The following GRIP1 variants were observed in gnomAD, a reference collection of about 807,000 sequenced individuals.
GRIP1 encodes glutamate receptor-interacting protein 1.
A neutral mutation model predicts 129.9 loss-of-function variants in GRIP1; 45 were observed. That is an observed-to-expected ratio of 0.35 (90% CI 0.27 to 0.44). The LOEUF is 0.44. Ranked by LOEUF, GRIP1 falls within the 20% of genes least tolerant of loss-of-function variation. The pLI, the probability that GRIP1 is intolerant of heterozygous loss-of-function variation, is 1.00. For missense variants in GRIP1, 1,196 were observed against 1,396.8 expected, an observed-to-expected ratio of 0.86 and a Z score of 2.29; for synonymous variants, 530 against 520.8, an observed-to-expected ratio of 1.02 and a Z score of -0.24.
rs1053630076 is a variant in GRIP1, at chr12:66,378,105, TA to T, written c.2622-821del. On this transcript the variant is annotated intron_variant, in intron 20 of 24. Coordinates refer to ENST00000359742, the MANE Select transcript of GRIP1 (RefSeq NM_001366722.1). ...AAAGATGGATCCATGAGGTATCTTT[TA>T]AAAAAAAAAAAAAGTAACTTAATGT... Among the ~76,000 whole-genome samples, 866 of 141,440 alleles carry T rather than the reference TA, an allele frequency of 6.1e-3. 3 individuals are homozygous for T. Among genetic ancestry groups the T allele is most frequent in the African/African-American group, 0.011 (432 of 38,756 alleles). The allele number at this position is 141,440 out of a possible 152,430, so 92.8% of individuals were successfully genotyped here.
intron 4 of GRIP1, among the ~76,000 whole-genome samples, chr12:66,533,362 C>G (rs1329237735): frequency 1.3e-5 from 2 of 151,532 alleles, no homozygotes; most frequent in Admixed American, 1.3e-4. Flanking sequence ...ACATAAATAT[C>G]AGGCCGGGCG....
intron 1 of GRIP1, among the ~76,000 whole-genome samples, chr12:67,020,727 T>C (rs2042853783): frequency 6.6e-6 from 1 of 152,172 alleles, no homozygotes; most frequent in South Asian, 2.1e-4. Flanking sequence ...GCCCATATTA[T>C]TGATTTAAAC....
intron 8 of GRIP1, among the ~76,000 whole-genome samples, chr12:66,463,325 G>A (rs1325618925): frequency 6.8e-6 from 1 of 147,456 alleles, no homozygotes; most frequent in Non-Finnish European, 1.5e-5. Context: ...GTTTTCTCTT[G>A]TCTTTCTTTA....
intron 1 of GRIP1, among the ~76,000 whole-genome samples, chr12:66,676,395 C>A (rs987641448): frequency 2.6e-5 from 4 of 151,934 alleles, no homozygotes; most frequent in African/African-American, 9.7e-5. Flanking sequence ...TGATATCAAC[C>A]ACAAATAGCA....
At chr12:66,401,244 C>T (rs1592770707) in intron 16 of GRIP1, among the ~76,000 whole-genome samples, 1 of 152,024 alleles carries the variant, frequency 6.6e-6, no homozygotes. Context: ...TTCATTGGGC[C>T]TCACTAGGTG....
At chr12:66,792,216 T>G (rs1012443703) in intron 1 of GRIP1, among the ~76,000 whole-genome samples, 7 of 152,326 alleles carry the variant, frequency 4.6e-5, no homozygotes, top group African/African-American at 1.7e-4. Context: ...ATTTGCACTT[T>G]GTTCATAACA....
intron 1 of GRIP1, among the ~76,000 whole-genome samples, chr12:66,863,353 G>T (rs2040145498): frequency 6.6e-6 from 1 of 151,962 alleles, no homozygotes; most frequent in Non-Finnish European, 1.5e-5. Context: ...TTTCTAATAG[G>T]GTAAGACAGG....
In GRIP1 at chr12:66,570,825, G is replaced by C. The variant is rs577660455; in HGVS notation, c.136+26022C>G. On this transcript the variant is annotated intron_variant, in intron 2 of 24. Coordinates refer to ENST00000359742, the MANE Select transcript of GRIP1 (RefSeq NM_001366722.1). ...TAAACTTGAGGCGGCACAAAACCTA[G>C]ATCTTCCTTTGATCATACAATTTTA... The C allele has an allele frequency of 7.2e-5, 11 of 152,244 alleles. 1 individual carries two copies. The South Asian group carries it at 2.1e-3, about 29-fold the overall frequency. The allele number at this position is 152,244 out of a possible 1,614,324, so 9.4% of individuals were successfully genotyped here.
At chr12:66,957,456 C>T (rs998969032) in intron 1 of GRIP1, among the ~76,000 whole-genome samples, 8 of 150,930 alleles carry the variant, frequency 5.3e-5, no homozygotes, top group Admixed American at 2.0e-4. Context: ...TCTGTTCCAG[C>T]GTCTCATCCA....
intron 1 of GRIP1, among the ~76,000 whole-genome samples, chr12:66,930,809 T>C (rs546147809): frequency 7.9e-5 from 12 of 152,300 alleles, no homozygotes; most frequent in Admixed American, 2.6e-4. Flanking sequence ...TCCAGACTCA[T>C]GTGTTGACCA....
At chr12:66,531,700 C>T (rs1440239469) in intron 4 of GRIP1, among the ~76,000 whole-genome samples, 1 of 151,946 alleles carries the variant, frequency 6.6e-6, no homozygotes, top group African/African-American at 2.4e-5. Context: ...TGTTGAGGTA[C>T]AGTTTTAATT....
At chr12:66,662,857 C>T (rs1268124795) in intron 1 of GRIP1, among the ~76,000 whole-genome samples, 2 of 152,136 alleles carry the variant, frequency 1.3e-5, no homozygotes, top group African/African-American at 4.8e-5. Context: ...TGAGGTTAGA[C>T]ATTTTGTCAT....
intron 1 of GRIP1, among the ~76,000 whole-genome samples, chr12:67,008,686 C>T (rs1452516669): frequency 6.6e-6 from 1 of 152,056 alleles, no homozygotes; most frequent in Non-Finnish European, 1.5e-5. Flanking sequence ...TAATGCCTTC[C>T]TTTTAAGGGA....
chr12:66,854,512 A>G (rs1038589741), intron 1 of GRIP1, among the ~76,000 whole-genome samples: 1 of 152,144 alleles, frequency 6.6e-6, no homozygotes, highest in Middle Eastern at 3.4e-3. Flanking sequence ...CTAGAATTTA[A>G]TAAGCAGCTA....
At chr12:67,057,691 T>C (rs1300765410) in intron 1 of GRIP1, among the ~76,000 whole-genome samples, 1 of 152,202 alleles carries the variant, frequency 6.6e-6, no homozygotes, top group African/African-American at 2.4e-5. Context: ...CTTATATGTA[T>C]ATCAGCATTC....
intron 1 of GRIP1, among the ~76,000 whole-genome samples, chr12:66,898,137 T>C (rs2040783008): frequency 6.6e-6 from 1 of 152,206 alleles, no homozygotes; most frequent in Admixed American, 6.5e-5. Flanking sequence ...GATCCTTTTA[T>C]TTATGTTAGC....
chr12:66,846,070 G>C (rs1566048858), intron 1 of GRIP1, among the ~76,000 whole-genome samples: 1 of 152,152 alleles, frequency 6.6e-6, no homozygotes, highest in Non-Finnish European at 1.5e-5. Context: ...ATCCAACAAT[G>C]CTCACATCTC....
intron 11 of GRIP1, among the ~76,000 whole-genome samples, chr12:66,451,305 A>T (rs66656315): frequency 1.3e-5 from 2 of 150,472 alleles, no homozygotes; most frequent in African/African-American, 2.4e-5. Context: ...TAGAAGGCTG[A>T]AAGATTTCCT....
chr12:66,395,671 C>T (rs550370933), intron 16 of GRIP1, among the ~76,000 whole-genome samples: 1 of 152,320 alleles, frequency 6.6e-6, no homozygotes, highest in Admixed American at 6.5e-5. Context: ...GTGCTCTACT[C>T]AACGTATTTA....
Sources: allele counts gnomAD v4.1 joint callset (sites outside exome capture counted in the v4.1 genomes callset), GRCh38; gene constraint gnomAD v4.1.1; transcripts MANE v1.5; gene names NCBI Gene and HGNC (gene_info 2026-07-23, HGNC 2026-07-21).